GOPC: variants seen among roughly 807,000 people sequenced by gnomAD.
GOPC encodes Golgi-associated PDZ and coiled-coil motif-containing protein.
GOPC carries 32 observed loss-of-function variants against 51.2 expected under a neutral mutation model. The ratio of observed to expected loss-of-function variants is 0.63; its 90% CI spans 0.47 to 0.84. The LOEUF (loss-of-function observed/expected upper bound fraction) is 0.84. GOPC is among the 40% of genes least tolerant of loss of function. GOPC has a pLI of 0.00. For synonymous variants in GOPC, 190 were observed against 205.1 expected, an observed-to-expected ratio of 0.93 and a Z score of 0.63; for missense variants, 441 against 555.5, an observed-to-expected ratio of 0.79 and a Z score of 2.07.
At chr6:117,578,695 C>A (rs1028843378) in intron 2 of GOPC, among the ~76,000 whole-genome samples, 1 of 152,002 alleles carries the variant, frequency 6.6e-6, no homozygotes, top group African/African-American at 2.4e-5. Flanking sequence ...AGGAAAAATT[C>A]TATCAGTTGA....
chr6:117,593,121 G>A (rs190718999), intron 1 of GOPC, among the ~76,000 whole-genome samples: 2 of 152,162 alleles, frequency 1.3e-5, no homozygotes, highest in East Asian at 3.9e-4. Context: ...CCTCAACAAT[G>A]CCTGGCAGTC....
intron 5 of GOPC, 132 bp downstream of exon 5, chr6:117,573,335 T>A: frequency 9.7e-7 from 1 of 1,026,408 alleles, no homozygotes; most frequent in Non-Finnish European, 1.4e-6. Context: ...CTACTTTGAA[T>A]AAGTTGAATC....
Position 117,563,307 on chromosome 6 carries a change from C to T in GOPC, c.1336G>A (p.Gly446Ser), listed in dbSNP as rs142660563. 1.2e-5 allele frequency: 19 copies of T among 1,612,710 alleles called. No homozygotes were observed. The African/African-American group carries it at 1.6e-4, about 14-fold the overall frequency. Residue 446 changes from glycine (G) to serine (S), a missense_variant, in exon 9 of 9, where the codon GGT becomes AGT. Around this residue, in one of 3 missense-constraint regions of GOPC, gnomAD observed 71 missense variants for 68.8 expected, o/e 1.03. Coordinates refer to ENST00000368498, the MANE Select transcript of GOPC (RefSeq NM_020399.4). ...TGCAGATCATCTAATTTTGAAGCACCGTCATCTAGCGGAGTTTCACTTGCA... is the reference window on the plus strand; with the variant it reads ...TGCAGATCATCTAATTTTGAAGCACTGTCATCTAGCGGAGTTTCACTTGCA... Reference protein sequence around the residue: ...GTASETPLDDGASKLDDLHTL... With the variant: ...GTASETPLDDSASKLDDLHTL...
intron 1 of GOPC, among the ~76,000 whole-genome samples, chr6:117,583,743 TTTTAAGGTATTATC>T (rs1257553221): frequency 2.0e-5 from 3 of 152,194 alleles, no homozygotes; most frequent in Non-Finnish European, 4.4e-5. Flanking sequence ...TTTGACTGTA[TTTTAAGGTATTATC>T]TTTAAGGTAT....
intron 5 of GOPC, among the ~76,000 whole-genome samples, chr6:117,571,515 G>T (rs1779806374): frequency 6.6e-6 from 1 of 152,118 alleles, no homozygotes; most frequent in Non-Finnish European, 1.5e-5. Context: ...GCCTCTTCCA[G>T]TTTTAAAATA....
At chr6:117,598,176 T>C (rs1374628451) in intron 1 of GOPC, among the ~76,000 whole-genome samples, 3 of 127,878 alleles carry the variant, frequency 2.3e-5, no homozygotes, top group African/African-American at 6.2e-5. Context: ...CTAAGCAACA[T>C]AGTAAAACCC....
At chr6:117,584,574 C>A (rs1309364679) in intron 1 of GOPC, among the ~76,000 whole-genome samples, 1 of 151,908 alleles carries the variant, frequency 6.6e-6, no homozygotes, top group East Asian at 1.9e-4. Context: ...GCCTCCATGC[C>A]TTCCCTGGGG....
intron 3 of GOPC, among the ~76,000 whole-genome samples, chr6:117,576,647 C>T (rs1300676993): frequency 6.6e-6 from 1 of 152,074 alleles, no homozygotes; most frequent in Non-Finnish European, 1.5e-5. Flanking sequence ...TAAGCTACCA[C>T]TCACTGGGGT....
chr6:117,590,234 A>C (rs1432321231), intron 1 of GOPC, among the ~76,000 whole-genome samples: 1 of 152,206 alleles, frequency 6.6e-6, no homozygotes, highest in Non-Finnish European at 1.5e-5. Context: ...CAAAAAGATG[A>C]ATAAGACATG....
chr6:117,601,049 G>T (rs1771998462), intron 1 of GOPC, among the ~76,000 whole-genome samples: 1 of 152,108 alleles, frequency 6.6e-6, no homozygotes, highest in Non-Finnish European at 1.5e-5. Context: ...GAGTAATGAT[G>T]ATTTCTTAGG....
intron 1 of GOPC, 70 bp downstream of exon 1, chr6:117,601,934 G>C: frequency 2.0e-6 from 3 of 1,536,044 alleles, no homozygotes; most frequent in Non-Finnish European, 2.7e-6. Flanking sequence ...TCACTGGAGC[G>C]TTAAATGGCA....
intron 1 of GOPC, among the ~76,000 whole-genome samples, chr6:117,595,602 A>G (rs2114629338): frequency 6.6e-6 from 1 of 152,204 alleles, no homozygotes; most frequent in Middle Eastern, 3.4e-3. Flanking sequence ...ATGCCTTTGC[A>G]TCCTCCTAGC....
intron 7 of GOPC, among the ~76,000 whole-genome samples, chr6:117,569,019 G>C (rs1251096631): frequency 6.6e-6 from 1 of 152,176 alleles, no homozygotes; most frequent in African/African-American, 2.4e-5. Flanking sequence ...TGACAAATAT[G>C]ACTCCTGAGT....
chr6:117,573,313 T>TTGA (rs1779833525), intron 5 of GOPC, among the ~76,000 whole-genome samples, 154 bp downstream of exon 5: 1 of 152,228 alleles, frequency 6.6e-6, no homozygotes, highest in Non-Finnish European at 1.5e-5. Flanking sequence ...TCTATGGGTG[T>TTGA]TGAAACTTCA....
At chr6:117,591,632 C>T (rs958230372) in intron 1 of GOPC, among the ~76,000 whole-genome samples, 2 of 152,136 alleles carry the variant, frequency 1.3e-5, no homozygotes, top group Non-Finnish European at 2.9e-5. Context: ...AGGCATTATA[C>T]ACCAAAGCCT....
At chr6:117,576,418 C>A (rs1170522409) in intron 3 of GOPC, among the ~76,000 whole-genome samples, 1 of 151,906 alleles carries the variant, frequency 6.6e-6, no homozygotes, top group Non-Finnish European at 1.5e-5. Context: ...GAACCTATGT[C>A]CTAAAAGGGC....
chr6:117,599,773 G>T (rs916530001), intron 1 of GOPC, among the ~76,000 whole-genome samples: 33 of 152,072 alleles, frequency 2.2e-4, no homozygotes, highest in African/African-American at 7.7e-4. Context: ...AAAAGAACAT[G>T]CATAATTTAT....
intron 1 of GOPC, among the ~76,000 whole-genome samples, chr6:117,599,760 GA>G (rs1771961577): frequency 6.6e-6 from 1 of 151,862 alleles, no homozygotes; most frequent in Non-Finnish European, 1.5e-5. Context: ...TTTAATTTCT[GA>G]AAAAAGAACA....
Position 117,602,310 on chromosome 6 carries a change from C to T in GOPC, c.-22G>A, listed in dbSNP as rs2114635041. ...ACATGGCGCCGTCAAGGGCCTCTCCCGACTGCTGAAGACCCTCGCCGCCCC... is the reference window on the plus strand; with the variant it reads ...ACATGGCGCCGTCAAGGGCCTCTCCTGACTGCTGAAGACCCTCGCCGCCCC... On this transcript the variant is annotated 5_prime_UTR_variant, in exon 1 of 9. Coordinates refer to ENST00000368498, the MANE Select transcript of GOPC (RefSeq NM_020399.4). The T allele has an allele frequency of 6.4e-7, 1 of 1,567,160 alleles. No homozygotes were observed. The highest frequency in any genetic ancestry group is 1.4e-5 in the African/African-American group (1 of 73,744).
Sources: gnomAD v4.1 joint callset for allele counts (sites outside exome capture counted in the v4.1 genomes callset) on GRCh38, gnomAD v4.1.1 for gene constraint, gnomAD v4.1.1 regional missense constraint, MANE v1.5 for transcripts, NCBI Gene and HGNC (gene_info 2026-07-23, HGNC 2026-07-21) for gene names.